The following GALNT13 variants were observed in gnomAD, a reference collection of about 807,000 sequenced individuals.
GALNT13 encodes polypeptide N-acetylgalactosaminyltransferase 13.
In GALNT13, 28 loss-of-function variants were observed where a neutral mutation model predicts 64.2. The observed-to-expected ratio is 0.44, with a 90% confidence interval of 0.32 to 0.60. The LOEUF (loss-of-function observed/expected upper bound fraction) is 0.60. GALNT13 is among the 20% of genes least tolerant of loss of function. GALNT13 has a pLI of 0.05. For synonymous variants in GALNT13, 214 were observed against 224.6 expected (o/e 0.95, Z 0.42); for missense variants, 577 against 669.8 (o/e 0.86, Z 1.53).
At chr2:154,049,645 C>T (rs1008541813) in intron 3 of GALNT13, among the ~76,000 whole-genome samples, 12 of 151,280 alleles carry the variant, frequency 7.9e-5, no homozygotes, top group African/African-American at 1.2e-4. Context: ...CTAAAAAATA[C>T]GATTATTGTA....
At chr2:154,307,905 A>G (rs1693828417) in intron 9 of GALNT13, among the ~76,000 whole-genome samples, 2 of 152,200 alleles carry the variant, frequency 1.3e-5, no homozygotes, top group Non-Finnish European at 2.9e-5. Flanking sequence ...GAACTTTAAG[A>G]TAGACTATAG....
chr2:154,266,294 A>G (rs1197428992), intron 8 of GALNT13, among the ~76,000 whole-genome samples: 1 of 152,200 alleles, frequency 6.6e-6, no homozygotes, highest in African/African-American at 2.4e-5. Flanking sequence ...TCGGAAGAAT[A>G]AATTAAGCCA....
At chr2:153,104,229 C>T in the GALNT13 span, among the ~76,000 whole-genome samples, 2 of 152,074 alleles carry the variant, frequency 1.3e-5, no homozygotes, top group African/African-American at 4.8e-5. Context: ...TGTTTTTTAT[C>T]TGGCATCATT....
chr2:153,990,757 A>G lies in GALNT13; in HGVS notation c.142+46118A>G, dbSNP rs1695107623. ...TAGTTTAATGTGCACTTTCCTAGCC[A>G]TACAGCTTACAAAGCAAAACTAAAA... On this transcript the variant is annotated intron_variant, in intron 3 of 12. Coordinates refer to ENST00000392825, the MANE Select transcript of GALNT13 (RefSeq NM_052917.4). Among the ~76,000 whole-genome samples the G allele has an allele frequency of 2.0e-5, 3 of 152,324 alleles. No homozygotes were observed. In the South Asian group the frequency reaches 6.2e-4, roughly 32 times the overall value.
At chr2:153,301,094 C>T in the GALNT13 span, among the ~76,000 whole-genome samples, 1 of 151,610 alleles carries the variant, frequency 6.6e-6, no homozygotes, top group Non-Finnish European at 1.5e-5. Flanking sequence ...CACTCAGGGG[C>T]CTGAGGTGGA....
intron 4 of GALNT13, among the ~76,000 whole-genome samples, chr2:154,212,400 C>T (rs1304383169): frequency 3.3e-5 from 5 of 152,038 alleles, no homozygotes; most frequent in South Asian, 4.2e-4. Flanking sequence ...CTCGCCACCA[C>T]GCCCGGCTAA....
chr2:154,247,025 T>G, intron 7 of GALNT13, among the ~76,000 whole-genome samples: 1 of 152,178 alleles, frequency 6.6e-6, no homozygotes, highest in East Asian at 1.9e-4. Flanking sequence ...GTCACCTACT[T>G]AATTATATAA....
At chr2:153,709,950 G>A in the GALNT13 span, among the ~76,000 whole-genome samples, 1 of 152,064 alleles carries the variant, frequency 6.6e-6, no homozygotes, top group South Asian at 2.1e-4. Flanking sequence ...CAAAGAAGCA[G>A]AGAGTAAATT....
the GALNT13 span, among the ~76,000 whole-genome samples, chr2:153,434,291 C>T: frequency 6.6e-6 from 1 of 152,148 alleles, no homozygotes; most frequent in Non-Finnish European, 1.5e-5. Flanking sequence ...AATAAACATA[C>T]ATGTGCATGT....
chr2:153,793,357 T>C, the GALNT13 span, among the ~76,000 whole-genome samples: 1 of 152,326 alleles, frequency 6.6e-6, no homozygotes, highest in South Asian at 2.1e-4. Context: ...ATTTTTTATA[T>C]TGTTCTTTGA....
At chr2:153,549,192 T>A in the GALNT13 span, among the ~76,000 whole-genome samples, 3 of 152,178 alleles carry the variant, frequency 2.0e-5, no homozygotes, top group African/African-American at 7.2e-5. Flanking sequence ...TAATGATGTT[T>A]GCACAATCAC....
intron 8 of GALNT13, among the ~76,000 whole-genome samples, chr2:154,266,870 T>C (rs1691032388): frequency 6.6e-6 from 1 of 151,930 alleles, no homozygotes; most frequent in South Asian, 2.1e-4. Flanking sequence ...ATTCTATCCA[T>C]ATAGATATAC....
chr2:153,841,895 T>C, the GALNT13 span, among the ~76,000 whole-genome samples: 3 of 152,180 alleles, frequency 2.0e-5, no homozygotes, highest in Admixed American at 1.3e-4. Flanking sequence ...TGTTTACATT[T>C]CTGATTTGTA....
the GALNT13 span, among the ~76,000 whole-genome samples, chr2:153,364,227 G>A: frequency 3.3e-5 from 5 of 152,036 alleles, no homozygotes; most frequent in South Asian, 2.1e-4. Flanking sequence ...TAGGTTTGAT[G>A]GAACATATCT....
At chr2:154,047,734 T>G (rs1164813952) in intron 3 of GALNT13, among the ~76,000 whole-genome samples, 1 of 152,240 alleles carries the variant, frequency 6.6e-6, no homozygotes, top group Non-Finnish European at 1.5e-5. Flanking sequence ...ACTGGAACTT[T>G]ATTGTGATAT....
At chr2:154,139,495 GA>G (rs1558980715) in intron 3 of GALNT13, among the ~76,000 whole-genome samples, 1 of 151,844 alleles carries the variant, frequency 6.6e-6, no homozygotes, top group Admixed American at 6.6e-5. Context: ...GTCGAGACCA[GA>G]ACCACATTCC....
chr2:154,316,044 C>T (rs1258874833), intron 9 of GALNT13, among the ~76,000 whole-genome samples: 7 of 151,940 alleles, frequency 4.6e-5, no homozygotes, highest in Admixed American at 2.0e-4. Flanking sequence ...GCTGAGATCG[C>T]GCCACTGCAC....
intron 1 of GALNT13, among the ~76,000 whole-genome samples, chr2:153,892,343 G>T (rs1272546170): frequency 6.6e-6 from 1 of 151,798 alleles, no homozygotes; most frequent in African/African-American, 2.4e-5. Flanking sequence ...ATCTTTTTCT[G>T]GAATATAATG....
chr2:153,800,825 C>T, the GALNT13 span, among the ~76,000 whole-genome samples: 1 of 152,174 alleles, frequency 6.6e-6, no homozygotes, highest in East Asian at 1.9e-4. Context: ...ACTTCCTCCA[C>T]TGAAGTCTTG....
Sources: allele counts gnomAD v4.1 joint callset (sites outside exome capture counted in the v4.1 genomes callset), GRCh38; gene constraint gnomAD v4.1.1; transcripts MANE v1.5; gene names NCBI Gene and HGNC (gene_info 2026-07-23, HGNC 2026-07-21).